Variants in RIMS2 observed in about 807,000 individuals in gnomAD.
RIMS2 encodes the protein regulating synaptic membrane exocytosis protein 2.
A neutral mutation model predicts 174.4 loss-of-function variants in RIMS2; 59 were observed. That is an observed-to-expected ratio of 0.34 (90% CI 0.27 to 0.42). The LOEUF (loss-of-function observed/expected upper bound fraction) is 0.42, where lower values mean the gene tolerates loss of function less well. Ranked by LOEUF, RIMS2 falls within the 10% of genes least tolerant of loss-of-function variation. RIMS2 has a pLI of 1.00. For missense variants in RIMS2, 1,620 were observed against 1,666.3 expected, an observed-to-expected ratio of 0.97 and a Z score of 0.48; for synonymous variants, 606 against 572.5, an observed-to-expected ratio of 1.06 and a Z score of -0.84.
chr8:104,087,640 C>T (rs551390432), intron 19 of RIMS2, among the ~76,000 whole-genome samples: 26 of 152,114 alleles, frequency 1.7e-4, no homozygotes, highest in African/African-American at 5.5e-4. Flanking sequence ...ATCACAAAGG[C>T]GACCTCATAA....
intron 1 of RIMS2, among the ~76,000 whole-genome samples, chr8:103,603,129 C>T (rs1200040607): frequency 4.8e-5 from 7 of 145,612 alleles, no homozygotes; most frequent in African/African-American, 1.3e-4. Flanking sequence ...GTATATCTCC[C>T]AGTGCTATCC....
chr8:103,541,504 G>GA (rs1288569149), intron 1 of RIMS2, among the ~76,000 whole-genome samples: 2 of 151,590 alleles, frequency 1.3e-5, no homozygotes, highest in African/African-American at 2.4e-5. Context: ...CCAGCTGAAA[G>GA]AAAAAAAAGA....
intron 19 of RIMS2, among the ~76,000 whole-genome samples, chr8:104,069,351 T>C (rs986577886): frequency 2.0e-5 from 3 of 152,088 alleles, no homozygotes; most frequent in Non-Finnish European, 4.4e-5. Context: ...ATTCACGAAG[T>C]GCTGTTAGAG....
chr8:103,920,086 A>T (rs2077317419), intron 9 of RIMS2, among the ~76,000 whole-genome samples: 1 of 152,136 alleles, frequency 6.6e-6, no homozygotes. Context: ...TTAGCTATTT[A>T]AAAAGACCCT....
intron 19 of RIMS2, among the ~76,000 whole-genome samples, chr8:104,065,469 C>T (rs761948016): frequency 2.0e-4 from 30 of 152,090 alleles, no homozygotes; most frequent in Non-Finnish European, 3.8e-4. Flanking sequence ...AGAAAAATCA[C>T]CTTGCTGGTG....
intron 19 of RIMS2, among the ~76,000 whole-genome samples, chr8:104,024,665 A>G (rs989917424): frequency 9.9e-5 from 15 of 152,162 alleles, no homozygotes; most frequent in African/African-American, 3.1e-4. Context: ...AACAAGATAT[A>G]TTTCTTGCCT....
chr8:104,252,155 C>T (rs571959597), downstream of RIMS2: 40 of 304,194 alleles, frequency 1.3e-4, no homozygotes, highest in Non-Finnish European at 2.1e-4. Context: ...ATATTTTTAT[C>T]ATTCCTTTTT....
chr8:103,828,073 T>A (rs1355559479), intron 3 of RIMS2, among the ~76,000 whole-genome samples: 6 of 152,318 alleles, frequency 3.9e-5, no homozygotes, highest in African/African-American at 1.4e-4. Context: ...ACTTACAATT[T>A]TATATATTGC....
intron 19 of RIMS2, among the ~76,000 whole-genome samples, chr8:104,165,201 TTA>T (rs1345968604): frequency 1.3e-5 from 2 of 152,318 alleles, no homozygotes; most frequent in Admixed American, 1.3e-4. Context: ...TCTTTTTGTT[TTA>T]TGTTTGATTG....
intron 4 of RIMS2, among the ~76,000 whole-genome samples, chr8:103,897,612 C>T (rs1257189297): frequency 2.0e-5 from 3 of 151,642 alleles, no homozygotes; most frequent in Admixed American, 1.3e-4. Context: ...ACCTAGCAGA[C>T]CCTAGCTTAT....
intron 14 of RIMS2, among the ~76,000 whole-genome samples, chr8:103,949,286 C>A (rs192455792): frequency 7.9e-5 from 12 of 152,112 alleles, no homozygotes; most frequent in Admixed American, 5.9e-4. Context: ...GTTTGTAGAA[C>A]AAATAGAAGG....
At chr8:103,565,023 T>A (rs1173008626) in intron 1 of RIMS2, among the ~76,000 whole-genome samples, 2 of 152,190 alleles carry the variant, frequency 1.3e-5, no homozygotes, top group Non-Finnish European at 2.9e-5. Flanking sequence ...AGCCTCATAC[T>A]TGGGACTTTT....
At chr8:103,586,755 A>T (rs1393795317) in intron 1 of RIMS2, among the ~76,000 whole-genome samples, 1 of 152,156 alleles carries the variant, frequency 6.6e-6, no homozygotes, top group Non-Finnish European at 1.5e-5. Flanking sequence ...AGTAGAAATC[A>T]ATGGAATTGA....
In RIMS2 at chr8:103,838,697, T is replaced by G. The variant is rs78339795; in HGVS notation, c.699-46601T>G. ...TAGGATAGGACACCTCTGATTTTAT[T>G]CCATTCTACTGTTAATCATGTGCAG... On this transcript the variant is annotated intron_variant, in intron 3 of 23. Transcript: ENST00000504942. Among the ~76,000 whole-genome samples the G allele has an allele frequency of 8.5e-5, 13 of 152,322 alleles. No individual in the cohort carries two copies. The East Asian group carries it at 9.7e-4, about 11-fold the overall frequency.
chr8:103,568,651 C>G, intron 1 of RIMS2: 1 of 632,640 alleles, frequency 1.6e-6, no homozygotes, highest in South Asian at 1.5e-5. Flanking sequence ...TGTATCTTTT[C>G]TAGAAGCATT....
At chr8:104,223,976 T>G (rs1443867324) in intron 19 of RIMS2, among the ~76,000 whole-genome samples, 5 of 152,222 alleles carry the variant, frequency 3.3e-5, no homozygotes, top group African/African-American at 1.2e-4. Flanking sequence ...TTCTTGGTTA[T>G]TTGGAGAGCT....
chr8:103,813,058 T>C (rs968529967), intron 3 of RIMS2, among the ~76,000 whole-genome samples: 2 of 152,198 alleles, frequency 1.3e-5, no homozygotes, highest in Non-Finnish European at 2.9e-5. Flanking sequence ...ATTTTTGTTA[T>C]AGATGATACA....
At chr8:103,558,471 A>T in intron 1 of RIMS2, among the ~76,000 whole-genome samples, 1 of 152,092 alleles carries the variant, frequency 6.6e-6, no homozygotes, top group Admixed American at 6.5e-5. Flanking sequence ...TGATCTGCCC[A>T]CCTCGGCCTC....
intron 1 of RIMS2, among the ~76,000 whole-genome samples, chr8:103,599,535 C>A (rs1326150232): frequency 6.6e-6 from 1 of 151,400 alleles, no homozygotes; most frequent in African/African-American, 2.4e-5. Context: ...ACCTCCTGGG[C>A]TCAGGTGATC....
Sources: gnomAD v4.1 joint callset for allele counts (sites outside exome capture counted in the v4.1 genomes callset) on GRCh38, gnomAD v4.1.1 for gene constraint, MANE v1.5 for transcripts, NCBI Gene and HGNC (gene_info 2026-07-23, HGNC 2026-07-21) for gene names.